The following PSTPIP2 variants were observed in gnomAD, a reference collection of about 807,000 sequenced individuals.
The protein encoded by PSTPIP2 is proline-serine-threonine phosphatase-interacting protein 2.
In PSTPIP2, 33 loss-of-function variants were observed where a neutral mutation model predicts 63.3. The observed-to-expected ratio is 0.52, with a 90% CI of 0.40 to 0.70. The LOEUF is 0.70. PSTPIP2 is among the 30% of genes least tolerant of loss of function. The probability of loss-of-function intolerance (pLI) is 0.00; values close to 1 mark genes in which losing one functional copy is unlikely to be tolerated. For missense variants in PSTPIP2, 312 were observed against 400.7 expected, an observed-to-expected ratio of 0.78 and a Z score of 1.89; for synonymous variants, 125 against 132.7, an observed-to-expected ratio of 0.94 and a Z score of 0.40.
At chr18:46,016,040 A>C in intron 3 of PSTPIP2, 103 bp from the exon 4 acceptor site, 1 of 1,378,130 alleles carries the variant, frequency 7.3e-7, no homozygotes, top group Admixed American at 2.1e-5. Context: ...CTTAACTTAG[A>C]AACTACAGAC....
chr18:45,992,298 C>T (rs2051544392), intron 10 of PSTPIP2, 96 bp from the exon 11 acceptor site: 5 of 1,029,046 alleles, frequency 4.9e-6, no homozygotes, highest in Non-Finnish European at 5.8e-6. Flanking sequence ...CGCAGTGGCT[C>T]ATGTCTGTAA....
At position 45,985,186 on chromosome 18, in the gene PSTPIP2, A is replaced by G. The variant is rs1599687014; in HGVS notation, c.*273T>C. The G allele has an allele frequency of 2.1e-5, 10 of 471,834 alleles. No individual in the cohort carries two copies. In the East Asian group the frequency reaches 3.4e-4, roughly 16 times the overall value. The allele number at this position is 471,834 out of a possible 1,614,324, so 29.2% of individuals were successfully genotyped here. ...TCCAGAAGTGGATTTCATGCTTCCCATGTTGAAAACCTAATTCATTCATAA... is the reference window on the plus strand; with the variant it reads ...TCCAGAAGTGGATTTCATGCTTCCCGTGTTGAAAACCTAATTCATTCATAA... On this transcript the variant is annotated 3_prime_UTR_variant, in exon 15 of 15. Transcript: ENST00000409746.
chr18:46,005,991 G>C (rs2051721327), intron 5 of PSTPIP2, among the ~76,000 whole-genome samples: 1 of 152,154 alleles, frequency 6.6e-6, no homozygotes. Context: ...GGGTGCCCGG[G>C]CAGTATGAAG....
At chr18:46,040,827 C>T (rs183926723) in intron 1 of PSTPIP2, among the ~76,000 whole-genome samples, 4 of 152,268 alleles carry the variant, frequency 2.6e-5, no homozygotes, top group Non-Finnish European at 4.4e-5. Flanking sequence ...ATCACAGGCA[C>T]GTGGATGAGG....
In PSTPIP2 at chr18:46,060,165, T is replaced by C. The variant is rs1472446487; in HGVS notation, c.33+11991A>G. 2.0e-5 allele frequency among the ~76,000 whole-genome samples: 3 copies of C among 152,206 alleles called. No individual in the cohort carries two copies. The East Asian group carries it at 5.8e-4, about 29-fold the overall frequency. The stretch of plus-strand genomic sequence containing the variant: ...TCATTTAAATATCTTTATAATATTA[T>C]TATATTTCAAATATCTTTCCTGGTG... On this transcript the variant is annotated intron_variant, in intron 1 of 14. Coordinates refer to ENST00000409746, the MANE Select transcript of PSTPIP2 (RefSeq NM_024430.4).
intron 5 of PSTPIP2, among the ~76,000 whole-genome samples, chr18:46,010,204 AC>A (rs1158450824): frequency 6.6e-6 from 1 of 152,238 alleles, no homozygotes; most frequent in African/African-American, 2.4e-5. Context: ...AGTTGCTGAG[AC>A]TGAGGTCAAG....
At position 46,038,670 on chromosome 18, in the gene PSTPIP2, G is replaced by T. The variant is rs186194012; in HGVS notation, c.134+1277C>A. 3.8e-3 allele frequency among the ~76,000 whole-genome samples: 574 copies of T among 152,246 alleles called. 4 individuals are homozygous for T. The highest frequency in any genetic ancestry group is 0.013 in the African/African-American group (544 of 41,530). ...CAACCATCTTGGGTAGAAAAGAAGG[G>T]AACTGCTCCCTTAAAGGAGGAGGAG... On this transcript the variant is annotated intron_variant, in intron 2 of 14. Transcript: ENST00000409746.
intron 9 of PSTPIP2, chr18:45,994,092 G>A (rs1031285109): frequency 1.7e-5 from 5 of 288,024 alleles, no homozygotes; most frequent in South Asian, 1.0e-4. Context: ...TGGCAAGATG[G>A]TCATAATTGT....
In PSTPIP2 at chr18:46,024,589, G is replaced by GA. The variant is rs778068139; in HGVS notation, c.212+19dup. 5 of 1,607,268 alleles carry GA rather than the reference G, an allele frequency of 3.1e-6. No homozygotes were observed. Among genetic ancestry groups the GA allele is most frequent in the African/African-American group, 2.7e-5 (2 of 74,738 alleles). On this transcript the variant is annotated intron_variant, in intron 3 of 14. Transcript: ENST00000409746. ...GCATTATTAACCAACCTGGAAACCA[G>GA]AAAAAAACTTGATACATACTTGATT...
At chr18:46,069,426 C>T (rs1373586994) in intron 1 of PSTPIP2, among the ~76,000 whole-genome samples, 1 of 152,128 alleles carries the variant, frequency 6.6e-6, no homozygotes, top group Non-Finnish European at 1.5e-5. Context: ...GGGAGAGAAA[C>T]AACACACAGG....
chr18:45,993,507 C>A, intron 10 of PSTPIP2, 98 bp downstream of exon 10: 1 of 1,181,112 alleles, frequency 8.5e-7, no homozygotes, highest in Non-Finnish European at 1.2e-6. Context: ...CACCTTACTT[C>A]ACCAAGGGCA....
intron 1 of PSTPIP2, among the ~76,000 whole-genome samples, chr18:46,058,028 A>G (rs1908834718): frequency 6.6e-6 from 1 of 151,546 alleles, no homozygotes; most frequent in South Asian, 2.1e-4. Context: ...ATCACCCATA[A>G]TCTTAAAAAC....
intron 1 of PSTPIP2, among the ~76,000 whole-genome samples, chr18:46,043,134 C>T (rs1908250172): frequency 1.3e-5 from 2 of 151,324 alleles, no homozygotes; most frequent in African/African-American, 2.4e-5. Flanking sequence ...GCCTGTAATC[C>T]CAGCACTTTG....
intron 1 of PSTPIP2, among the ~76,000 whole-genome samples, chr18:46,049,321 G>A (rs960898285): frequency 6.2e-4 from 95 of 152,018 alleles, no homozygotes; most frequent in African/African-American, 2.3e-3. Context: ...AGTGGAGAGT[G>A]GAAGGAGGGA....
At chr18:45,991,081 T>C (rs2051526315) in intron 12 of PSTPIP2, among the ~76,000 whole-genome samples, 1 of 152,146 alleles carries the variant, frequency 6.6e-6, no homozygotes, top group Non-Finnish European at 1.5e-5. Flanking sequence ...ATAAGTAAAA[T>C]AGGAAGTATA....
chr18:46,044,791 T>A (rs1173482891), intron 1 of PSTPIP2, among the ~76,000 whole-genome samples: 1 of 151,944 alleles, frequency 6.6e-6, no homozygotes, highest in Non-Finnish European at 1.5e-5. Context: ...GAATCTACAA[T>A]GAACTCAAAC....
At position 45,993,682 on chromosome 18, in the gene PSTPIP2, C is replaced by G. The variant is rs1202973832; in HGVS notation, c.664G>C (p.Glu222Gln). Residue 222 changes from glutamate to glutamine, a missense_variant, in exon 10 of 15, where the codon GAA becomes CAA. Physicochemically the swap from Glu to Gln is conservative, Grantham distance 29 (BLOSUM62 2). Coordinates refer to ENST00000409746, the MANE Select transcript of PSTPIP2 (RefSeq NM_024430.4). ...ACEAFEAQEC[E>Q]RINFFRNALW... ...GCATTCCGGAAGAAGTTTATTCGTT[C>G]ACATTCTTGAGCCTCAAATGCCTAC... is the stretch of plus-strand genomic sequence containing the variant. 1 of 1,614,022 alleles carries G rather than the reference C, an allele frequency of 6.2e-7. No individual in the cohort carries two copies. The highest frequency in any genetic ancestry group is 1.3e-5 in the African/African-American group (1 of 74,908).
At chr18:45,988,871 T>A in intron 13 of PSTPIP2, 112 bp from the exon 14 acceptor site, 1 of 872,276 alleles carries the variant, frequency 1.1e-6, no homozygotes, top group Non-Finnish European at 1.9e-6. Flanking sequence ...TATCCTTTTG[T>A]AAAGAGAAAA....
At position 46,030,162 on chromosome 18, in the gene PSTPIP2, G is replaced by T. The variant is rs139635199; in HGVS notation, c.135-5476C>A. 7.2e-3 allele frequency among the ~76,000 whole-genome samples: 1,095 copies of T among 152,218 alleles called. 15 individuals are homozygous for T. Among genetic ancestry groups the T allele is most frequent in the African/African-American group, 0.025 (1,045 of 41,540 alleles). On this transcript the variant is annotated intron_variant, in intron 2 of 14. Transcript: ENST00000409746. ...AAAAAGAAAGAAAGAAAAGGGCAAG[G>T]CCCTGATTATAGGTTGCACCATTAC... is the stretch of plus-strand genomic sequence containing the variant.
Sources: allele counts gnomAD v4.1 joint callset (sites outside exome capture counted in the v4.1 genomes callset), GRCh38; gene constraint gnomAD v4.1.1; transcripts MANE v1.5; gene names NCBI Gene and HGNC (gene_info 2026-07-23, HGNC 2026-07-21).